The following LRRC4C variants were observed in gnomAD, a reference collection of about 807,000 sequenced individuals.
LRRC4C encodes leucine-rich repeat-containing protein 4C.
A neutral mutation model predicts 33.6 loss-of-function variants in LRRC4C; 5 were observed. The ratio of observed to expected loss-of-function variants is 0.15; its 90% CI spans 0.08 to 0.31. The LOEUF is 0.31. Ranked by LOEUF, LRRC4C falls within the 10% of genes least tolerant of loss-of-function variation. LRRC4C has a pLI of 1.00. For missense variants in LRRC4C, 560 were observed against 796.7 expected, an observed-to-expected ratio of 0.70 and a Z score of 3.58; for synonymous variants, 329 against 302.0, an observed-to-expected ratio of 1.09 and a Z score of -0.93.
At chr11:40,490,269 T>G in intron 3 of LRRC4C, among the ~76,000 whole-genome samples, 1 of 152,166 alleles carries the variant, frequency 6.6e-6, no homozygotes, top group South Asian at 2.1e-4. Flanking sequence ...CTGACATTAA[T>G]CTTTTAGTTA....
intron 3 of LRRC4C, among the ~76,000 whole-genome samples, chr11:40,494,545 T>C (rs904505805): frequency 3.3e-5 from 5 of 152,170 alleles, no homozygotes; most frequent in Non-Finnish European, 5.9e-5. Context: ...GGTATTATAG[T>C]TTCCTATGTT....
intron 3 of LRRC4C, among the ~76,000 whole-genome samples, chr11:40,382,042 C>T (rs1244546957): frequency 6.9e-6 from 1 of 145,760 alleles, no homozygotes; most frequent in Non-Finnish European, 1.5e-5. Flanking sequence ...CTGCAAGCTC[C>T]GCCTCCCGGG....
intron 1 of LRRC4C, among the ~76,000 whole-genome samples, chr11:41,219,066 C>T (rs143598874): frequency 2.0e-5 from 3 of 152,174 alleles, no homozygotes; most frequent in African/African-American, 7.2e-5. Flanking sequence ...CCACCGCGCC[C>T]GGCCGCATAT....
chr11:40,602,583 A>T (rs894809258), intron 3 of LRRC4C, among the ~76,000 whole-genome samples: 6 of 152,176 alleles, frequency 3.9e-5, no homozygotes, highest in Non-Finnish European at 8.8e-5. Flanking sequence ...AGAAAATGAG[A>T]GGGAGAAAAG....
chr11:40,604,770 T>C (rs1960391590), intron 3 of LRRC4C, among the ~76,000 whole-genome samples: 1 of 150,144 alleles, frequency 6.7e-6, no homozygotes. Flanking sequence ...ATAAAAAGGA[T>C]GGATAAAATA....
intron 1 of LRRC4C, among the ~76,000 whole-genome samples, chr11:40,977,050 G>C (rs1852136836): frequency 6.6e-6 from 1 of 152,058 alleles, no homozygotes; most frequent in Non-Finnish European, 1.5e-5. Flanking sequence ...ACAGTGACAG[G>C]TCATCAGGTA....
At chr11:40,476,586 C>A (rs1953247313) in intron 3 of LRRC4C, among the ~76,000 whole-genome samples, 1 of 151,990 alleles carries the variant, frequency 6.6e-6, no homozygotes, top group Admixed American at 6.6e-5. Context: ...CCTCGTGATC[C>A]ACCCGCCTCA....
chr11:41,065,801 C>A (rs983655559), intron 1 of LRRC4C, among the ~76,000 whole-genome samples: 1 of 152,168 alleles, frequency 6.6e-6, no homozygotes, highest in African/African-American at 2.4e-5. Context: ...CAGCAAACTG[C>A]AGCAGACGTG....
intron 2 of LRRC4C, among the ~76,000 whole-genome samples, chr11:40,656,219 CT>C (rs34957438): frequency 0.17 from 25,341 of 146,610 alleles, 2,434 homozygotes; most frequent in Admixed American, 0.26. Context: ...TACTGTTTTT[CT>C]TTTTTTTTTT....
At chr11:40,655,925 G>A (rs1187558991) in intron 2 of LRRC4C, among the ~76,000 whole-genome samples, 1 of 152,144 alleles carries the variant, frequency 6.6e-6, no homozygotes, top group Non-Finnish European at 1.5e-5. Context: ...AGGAGGAAGA[G>A]ATAGAGCGAA....
At position 40,452,373 on chromosome 11, in the gene LRRC4C, T is replaced by G. The variant is rs563501177; in HGVS notation, c.-269-132652A>C. 3.9e-5 allele frequency among the ~76,000 whole-genome samples: 6 copies of G among 152,202 alleles called. No homozygotes were observed. The East Asian group carries it at 9.7e-4, about 25-fold the overall frequency. ...ACCCCATCAAAAAGTGGGTGAAGGATATGAACAGACACTTCTCAAAAGAAG... is the reference window on the plus strand; with the variant it reads ...ACCCCATCAAAAAGTGGGTGAAGGAGATGAACAGACACTTCTCAAAAGAAG... On this transcript the variant is annotated intron_variant, in intron 3 of 6. Coordinates refer to ENST00000528697, the MANE Select transcript of LRRC4C (RefSeq NM_001258419.2).
At chr11:41,248,650 C>T (rs1273328076) in intron 1 of LRRC4C, among the ~76,000 whole-genome samples, 2 of 152,088 alleles carry the variant, frequency 1.3e-5, no homozygotes, top group African/African-American at 4.8e-5. Flanking sequence ...ATACTTACTT[C>T]CTAAATGCTT....
At chr11:40,788,125 G>A (rs1950488799) in intron 2 of LRRC4C, among the ~76,000 whole-genome samples, 1 of 152,130 alleles carries the variant, frequency 6.6e-6, no homozygotes, top group Admixed American at 6.6e-5. Flanking sequence ...CCCAGTGACA[G>A]AGATGAGTTT....
intron 3 of LRRC4C, among the ~76,000 whole-genome samples, chr11:40,611,783 A>G (rs1277490731): frequency 6.6e-6 from 1 of 151,930 alleles, no homozygotes; most frequent in Non-Finnish European, 1.5e-5. Context: ...ATCATTAATC[A>G]TCAGAAACAT....
At chr11:40,648,311 G>C (rs1942582544) in intron 2 of LRRC4C, 33 bp from the exon 3 acceptor site, 1 of 151,914 alleles carries the variant, frequency 6.6e-6, no homozygotes. Flanking sequence ...ATATAATTAG[G>C]ATTATTTAAT....
chr11:40,458,364 G>C (rs1440121), intron 3 of LRRC4C, among the ~76,000 whole-genome samples: 5 of 152,040 alleles, frequency 3.3e-5, no homozygotes, highest in Non-Finnish European at 7.4e-5. Context: ...AATTCTGTGA[G>C]GCAAATATTT....
intron 1 of LRRC4C, among the ~76,000 whole-genome samples, chr11:41,274,430 C>T (rs79006974): frequency 0.046 from 6,999 of 152,000 alleles, 201 homozygotes; most frequent in South Asian, 0.074. Flanking sequence ...ATGATGGTGG[C>T]GAGAAGCAGT....
intron 3 of LRRC4C, among the ~76,000 whole-genome samples, chr11:40,591,893 G>A (rs1236265450): frequency 2.6e-5 from 4 of 152,252 alleles, no homozygotes; most frequent in Admixed American, 2.6e-4. Context: ...ACCAAATAAG[G>A]CGACTGTATA....
intron 1 of LRRC4C, among the ~76,000 whole-genome samples, chr11:41,074,718 A>T (rs1938975416): frequency 1.3e-5 from 2 of 152,194 alleles, no homozygotes; most frequent in African/African-American, 4.8e-5. Flanking sequence ...TCTGGAGTCC[A>T]TAGAAAGTCC....
Sources: gnomAD v4.1 joint callset for allele counts (sites outside exome capture counted in the v4.1 genomes callset) on GRCh38, gnomAD v4.1.1 for gene constraint, MANE v1.5 for transcripts, NCBI Gene and HGNC (gene_info 2026-07-23, HGNC 2026-07-21) for gene names.